Variants in MMD observed in about 807,000 individuals in gnomAD.
The protein encoded by MMD is monocyte to macrophage differentiation factor.
Under a neutral mutation model 33.6 loss-of-function variants are expected in MMD, and 22 were observed. The ratio of observed to expected loss-of-function variants is 0.66; its 90% CI spans 0.47 to 0.94. MMD has a LOEUF of 0.94. Among genes scored for constraint, MMD ranks in the 40% least tolerant of loss-of-function variants. The pLI is 0.00. For synonymous variants in MMD, 97 were observed against 103.2 expected (o/e 0.94, Z 0.36); for missense variants, 242 against 309.8 (o/e 0.78, Z 1.64).
At chr17:55,411,852 G>C (rs1219281135) in intron 2 of MMD, among the ~76,000 whole-genome samples, 1 of 152,196 alleles carries the variant, frequency 6.6e-6, no homozygotes, top group Admixed American at 6.5e-5. Flanking sequence ...TGAGGCAGGA[G>C]AATCGCTTGA....
chr17:55,417,670 T>C (rs527656602), intron 1 of MMD, among the ~76,000 whole-genome samples: 2 of 152,276 alleles, frequency 1.3e-5, no homozygotes, highest in South Asian at 4.1e-4. Flanking sequence ...TGGTAGTGTA[T>C]GCCTGTAGCC....
chr17:55,413,142 G>A (rs889117768), intron 2 of MMD, among the ~76,000 whole-genome samples: 5 of 152,150 alleles, frequency 3.3e-5, no homozygotes, highest in African/African-American at 7.2e-5. Context: ...AGGTTCATCC[G>A]AGTAAATATT....
intron 4 of MMD, among the ~76,000 whole-genome samples, chr17:55,405,154 G>C (rs1247079197): frequency 6.6e-6 from 1 of 151,884 alleles, no homozygotes. Context: ...GATCACCTGA[G>C]GTCAGGGGTT....
intron 2 of MMD, among the ~76,000 whole-genome samples, chr17:55,413,582 T>C (rs1485369989): frequency 1.3e-5 from 2 of 152,146 alleles, no homozygotes; most frequent in African/African-American, 4.8e-5. Flanking sequence ...AAGTTTCTTA[T>C]AATAAGCATG....
In MMD at chr17:55,407,299, AAAATAAATAAAT is replaced by A. The variant is rs59882220; in HGVS notation, c.344+435_344+446del. On this transcript the variant is annotated intron_variant, in intron 4 of 6. Transcript: ENST00000262065. Reference sequence around the variant, plus strand: ...AGCCGAGATTGTGAGACTCCATCTCAAAATAAATAAATAAATAAATAAATAAATAAATAAATA... The same window carrying A: ...AGCCGAGATTGTGAGACTCCATCTCAAAATAAATAAATAAATAAATAAATA... 9.6e-3 allele frequency among the ~76,000 whole-genome samples: 1,373 copies of A among 142,632 alleles called. 11 individuals are homozygous for A. The highest frequency in any genetic ancestry group is 8.9e-3 in the Non-Finnish European group (590 of 66,190). The allele number at this position is 142,632 out of a possible 152,430, so 93.6% of individuals were successfully genotyped here.
chr17:55,397,681 C>A (rs995220533), intron 6 of MMD, among the ~76,000 whole-genome samples: 35 of 151,836 alleles, frequency 2.3e-4, no homozygotes, highest in African/African-American at 8.5e-4. Context: ...GCTGGGATTA[C>A]AGGAGTTCTG....
intron 3 of MMD, among the ~76,000 whole-genome samples, chr17:55,408,878 G>T (rs1598433072): frequency 6.6e-6 from 1 of 152,100 alleles, no homozygotes; most frequent in Non-Finnish European, 1.5e-5. Flanking sequence ...GCGCACGCCT[G>T]TAGTCCAAGC....
intron 2 of MMD, 38 bp downstream of exon 2, chr17:55,414,113 C>T (rs769940037): frequency 2.3e-5 from 37 of 1,590,280 alleles, no homozygotes; most frequent in Admixed American, 3.3e-5. Flanking sequence ...ACCAAAGCCC[C>T]GTGGAAAGGA....
At chr17:55,410,335 G>GT (rs1241286499) in intron 3 of MMD, among the ~76,000 whole-genome samples, 2 of 152,034 alleles carry the variant, frequency 1.3e-5, no homozygotes, top group African/African-American at 2.4e-5. Context: ...AATAGTTTGA[G>GT]TTTTTTTTGG....
intron 2 of MMD, among the ~76,000 whole-genome samples, chr17:55,413,554 T>C (rs1907847117): frequency 6.6e-6 from 1 of 152,184 alleles, no homozygotes; most frequent in Non-Finnish European, 1.5e-5. Context: ...TTTTCTTATA[T>C]ATTTTTCAGT....
At chr17:55,413,039 T>C (rs1382804590) in intron 2 of MMD, among the ~76,000 whole-genome samples, 1 of 152,178 alleles carries the variant, frequency 6.6e-6, no homozygotes, top group Non-Finnish European at 1.5e-5. Context: ...AAAAAATTAA[T>C]ATGGGGGTTT....
intron 5 of MMD, among the ~76,000 whole-genome samples, chr17:55,402,165 C>G (rs956721752): frequency 5.3e-5 from 8 of 151,786 alleles, no homozygotes; most frequent in Admixed American, 5.2e-4. Context: ...ACCCACTCCA[C>G]CTTGTAAAAT....
At chr17:55,409,044 G>C (rs1907662074) in intron 3 of MMD, among the ~76,000 whole-genome samples, 1 of 151,912 alleles carries the variant, frequency 6.6e-6, no homozygotes, top group Admixed American at 6.6e-5. Flanking sequence ...TACCTACCGT[G>C]TATCCACAAA....
At chr17:55,400,128 C>T (rs909931625) in intron 6 of MMD, among the ~76,000 whole-genome samples, 3 of 152,146 alleles carry the variant, frequency 2.0e-5, no homozygotes, top group Admixed American at 2.0e-4. Flanking sequence ...TCATAAACCT[C>T]GTATCTCAAA....
Position 55,401,076 on chromosome 17 carries a change from A to T in MMD, c.516+393T>A, listed in dbSNP as rs571318807. 2.2e-4 allele frequency among the ~76,000 whole-genome samples: 33 copies of T among 152,358 alleles called. No homozygotes were observed. In the East Asian group the frequency reaches 5.4e-3, roughly 25 times the overall value. On this transcript the variant is annotated intron_variant, in intron 6 of 6. Coordinates refer to ENST00000262065, the MANE Select transcript of MMD (RefSeq NM_012329.3). ...GTTCTGATTCAGGAAAGTACCATAA[A>T]GACAGAAACATACCTGAATTTATAG...
intron 4 of MMD, among the ~76,000 whole-genome samples, chr17:55,404,977 G>A (rs556461103): frequency 7.9e-5 from 12 of 151,374 alleles, no homozygotes; most frequent in African/African-American, 2.2e-4. Context: ...CAGGAGAATC[G>A]CTTGAACCCA....
intron 1 of MMD, among the ~76,000 whole-genome samples, chr17:55,416,136 G>T (rs1907960171): frequency 1.3e-5 from 2 of 152,144 alleles, no homozygotes; most frequent in South Asian, 4.1e-4. Context: ...AAAGAGCAAG[G>T]CCCCAAGATG....
In MMD at chr17:55,393,187, A is replaced by T. The variant is rs1458807626; in HGVS notation, c.*1147T>A. 1 of 152,084 alleles carries T rather than the reference A, an allele frequency of 6.6e-6. No homozygotes were observed. Among genetic ancestry groups the T allele is most frequent in the Non-Finnish European group, 1.5e-5 (1 of 68,020 alleles). 9.4% of individuals were successfully genotyped at this position (152,084 alleles called of 1,614,324 possible). A position where few individuals can be genotyped will look rare whatever the true frequency, so the allele number is the denominator to read the frequency against. On this transcript the variant is annotated 3_prime_UTR_variant, in exon 7 of 7. Transcript: ENST00000262065. The stretch of plus-strand genomic sequence containing the variant: ...ATATCACTCCACTGAGCCAGGATAT[A>T]ACTCATGGACTACAGATACATGAGT...
Position 55,421,705 on chromosome 17 carries a change from G to A in MMD, c.-10C>T. ...GATTCTTGAACCGCATTGATCCTCT[G>A]CTCCTCCTCGGGGGCCAGGAGCTCC... On this transcript the variant is annotated 5_prime_UTR_variant, in exon 1 of 7. An upstream open reading frame in the 5' UTR gains an earlier in-frame stop. Transcript: ENST00000262065. 6.3e-7 allele frequency: 1 copy of A among 1,587,332 alleles called. No individual in the cohort carries two copies. The highest frequency in any genetic ancestry group is 1.4e-5 in the African/African-American group (1 of 72,968).
Sources: gnomAD v4.1 joint callset for allele counts (sites outside exome capture counted in the v4.1 genomes callset) on GRCh38, gnomAD v4.1.1 for gene constraint, MANE v1.5 for transcripts, NCBI Gene and HGNC (gene_info 2026-07-23, HGNC 2026-07-21) for gene names.